The following OPHN1 variants were observed in gnomAD, a reference collection of about 807,000 sequenced individuals.
OPHN1 encodes oligophrenin 1, also known as oligophrenin-1.
OPHN1 carries 11 observed loss-of-function variants against 60.7 expected under a neutral mutation model. The observed-to-expected ratio is 0.18, with a 90% confidence interval of 0.11 to 0.30. The LOEUF is 0.30. Among genes scored for constraint, OPHN1 ranks in the 10% least tolerant of loss-of-function variants. OPHN1 has a pLI of 1.00. For missense variants in OPHN1, 449 were observed against 611.0 expected, an observed-to-expected ratio of 0.73 and a Z score of 2.80; for synonymous variants, 226 against 222.6, an observed-to-expected ratio of 1.02 and a Z score of -0.14.
intron 2 of OPHN1, among the ~76,000 whole-genome samples, chrX:68,398,723 C>A (rs982810523): frequency 9.0e-6 from 1 of 111,168 alleles, no homozygotes; most frequent in Non-Finnish European, 1.9e-5. Flanking sequence ...CCGTGGTGGG[C>A]GGATCACCTG....
intron 16 of OPHN1, 113 bp downstream of exon 16, chrX:68,119,135 T>C (rs2077139664): frequency 1.8e-6 from 1 of 541,610 alleles, no homozygotes; most frequent in African/African-American, 2.3e-5. Context: ...ACATGTTTTT[T>C]CTTAAGCAAT....
intron 5 of OPHN1, among the ~76,000 whole-genome samples, chrX:68,266,436 T>A (rs1388006015): frequency 9.0e-6 from 1 of 111,012 alleles, no homozygotes; most frequent in African/African-American, 3.3e-5. Flanking sequence ...CTAAGCTTCA[T>A]GAGTAAAGGA....
intron 6 of OPHN1, among the ~76,000 whole-genome samples, chrX:68,221,515 C>A (rs1200986074): frequency 3.4e-5 from 3 of 89,334 alleles, no homozygotes; most frequent in Middle Eastern, 5.5e-3. Context: ...ATCACGCTAC[C>A]TGACTTCAAA....
At chrX:68,345,318 C>T (rs2078373768) in intron 2 of OPHN1, among the ~76,000 whole-genome samples, 1 of 111,521 alleles carries the variant, frequency 9.0e-6, no homozygotes, top group Non-Finnish European at 1.9e-5. Context: ...ACCCTTTGAC[C>T]AATAACCCTC....
At chrX:68,299,349 A>G (rs778243597) in intron 2 of OPHN1, among the ~76,000 whole-genome samples, 2 of 111,771 alleles carry the variant, frequency 1.8e-5, no homozygotes, top group South Asian at 7.5e-4. Flanking sequence ...TATCCTCAAC[A>G]CCTCTCCTCT....
In OPHN1 at chrX:68,232,887, A is replaced by G. The variant is rs1693804156; in HGVS notation, c.486+1600T>C. Among the ~76,000 whole-genome samples, 3 of 109,951 alleles carry G rather than the reference A, an allele frequency of 2.7e-5. No individual in the cohort carries two copies. The Admixed American group carries it at 2.9e-4, about 11-fold the overall frequency. ...CAATTCTAGTTTATGGAAGGAAAGT[A>G]GTCCTTCTCCTTTGCAATACTAACT... is the stretch of plus-strand genomic sequence containing the variant. On this transcript the variant is annotated intron_variant, in intron 6 of 24. Transcript: ENST00000355520.
At chrX:68,270,748 A>G (rs1000232709) in intron 5 of OPHN1, among the ~76,000 whole-genome samples, 2 of 111,591 alleles carry the variant, frequency 1.8e-5, no homozygotes, top group Non-Finnish European at 3.8e-5. Context: ...TAATAATTAA[A>G]AAAAAAGAAT....
At chrX:68,216,536 T>C (rs2077610121) in intron 6 of OPHN1, among the ~76,000 whole-genome samples, 1 of 110,739 alleles carries the variant, frequency 9.0e-6, no homozygotes, top group African/African-American at 3.3e-5. Context: ...CCATAAAACT[T>C]CTAGACTAAA....
chrX:68,179,508 T>C (rs1281765772), intron 15 of OPHN1, among the ~76,000 whole-genome samples: 1 of 112,266 alleles, frequency 8.9e-6, no homozygotes, highest in African/African-American at 3.2e-5. Context: ...CCTTGGGTCC[T>C]GTCTTTGGCC....
At chrX:68,194,988 G>GAAA (rs1296543027) in intron 12 of OPHN1, among the ~76,000 whole-genome samples, 1,211 of 84,173 alleles carry the variant, frequency 0.014, 64 homozygotes, top group African/African-American at 0.059. Flanking sequence ...AAGAAAGAAA[G>GAAA]AGAGAGAGAG....
Position 68,073,157 on chromosome X carries a change from C to A in OPHN1, c.1829G>T (p.Ser610Ile). 8.3e-7 allele frequency: 1 copy of A among 1,207,651 alleles called. No homozygotes were observed. ...TVFYTSSLDE[S>I]EDEIQHQTPN... The stretch of plus-strand genomic sequence containing the variant: ...AGGTGAACCTCAGTACTGACCTTCG[C>A]TTTCATCCAGGGAAGAAGTATAGAA... The change falls in exon 20 of 25, where the codon AGC becomes ATC. Residue 610 changes from serine (S) to isoleucine (I), a missense_variant. Transcript: ENST00000355520.
At position 68,132,707 on chromosome X, in the gene OPHN1, A is replaced by AAT. The variant is rs780081502; in HGVS notation, c.1277-13376_1277-13375insAT. The stretch of plus-strand genomic sequence containing the variant: ...TAAAACTTAAAGTATAATTAAAAAA[A>AAT]AATAATAATAAAATGTTGAGATACT... On this transcript the variant is annotated intron_variant, in intron 15 of 24. Transcript: ENST00000355520. Among the ~76,000 whole-genome samples, 258 of 103,847 alleles carry AAT rather than the reference A, an allele frequency of 2.5e-3. 8 individuals are homozygous for AAT. The East Asian group carries it at 0.077, about 31-fold the overall frequency. The allele number at this position is 103,847 out of a possible 115,157, so 90.2% of individuals were successfully genotyped here.
chrX:68,270,095 G>T (rs1017076323), intron 5 of OPHN1, among the ~76,000 whole-genome samples: 6 of 110,910 alleles, frequency 5.4e-5, no homozygotes, highest in African/African-American at 1.6e-4. Context: ...AACAACAGGT[G>T]CTGGAGAGGA....
intron 2 of OPHN1, among the ~76,000 whole-genome samples, chrX:68,348,106 T>C (rs917742577): frequency 1.8e-5 from 2 of 111,883 alleles, no homozygotes; most frequent in African/African-American, 6.5e-5. Flanking sequence ...ACATGAGTTA[T>C]CTGAAAATGA....
intron 16 of OPHN1, among the ~76,000 whole-genome samples, chrX:68,117,473 C>G (rs1226711534): frequency 8.9e-6 from 1 of 112,204 alleles, no homozygotes; most frequent in African/African-American, 3.2e-5. Context: ...GAGACCATAT[C>G]TATACACAAC....
rs1472983544 is a variant in OPHN1 at position 68,046,491 on chromosome X, T to C, written c.*681A>G. On this transcript the variant is annotated 3_prime_UTR_variant, in exon 25 of 25. Transcript: ENST00000355520. ...ATGCAAAACATGCTTTGCAGATTTG[T>C]CCTAAGTGGCTGCATGTAACAGCAG... is the stretch of plus-strand genomic sequence containing the variant. 8.9e-6 allele frequency: 1 copy of C among 112,168 alleles called. No individual in the cohort carries two copies. Among genetic ancestry groups the C allele is most frequent in the Non-Finnish European group, 1.9e-5 (1 of 53,232 alleles). 9.2% of individuals were successfully genotyped at this position (112,168 alleles called of 1,213,427 possible).
intron 15 of OPHN1, among the ~76,000 whole-genome samples, chrX:68,140,517 A>C (rs2077237812): frequency 9.0e-6 from 1 of 110,785 alleles, no homozygotes; most frequent in Non-Finnish European, 1.9e-5. Context: ...AGCATGAAGC[A>C]ACCTGGTGAG....
At chrX:68,223,267 G>T (rs2077672530) in intron 6 of OPHN1, among the ~76,000 whole-genome samples, 1 of 112,283 alleles carries the variant, frequency 8.9e-6, no homozygotes, top group South Asian at 3.7e-4. Flanking sequence ...ATTCACAATT[G>T]CAAAGACAGG....
chrX:68,107,343 G>A (rs1471323484), intron 18 of OPHN1, among the ~76,000 whole-genome samples: 1 of 111,235 alleles, frequency 9.0e-6, no homozygotes, highest in Non-Finnish European at 1.9e-5. Flanking sequence ...AAAAGTCCAA[G>A]CCTTTTCAAA....
Sources: allele counts gnomAD v4.1 joint callset (sites outside exome capture counted in the v4.1 genomes callset), GRCh38; gene constraint gnomAD v4.1.1; transcripts MANE v1.5; gene names NCBI Gene and HGNC (gene_info 2026-07-23, HGNC 2026-07-21).